MAPK8: variants seen among roughly 807,000 people sequenced by gnomAD.
MAPK8 encodes the protein mitogen-activated protein kinase 8, also known as JUN N-terminal kinase.
MAPK8 carries 13 observed loss-of-function variants against 52.9 expected under a neutral mutation model. That is an observed-to-expected ratio of 0.25 (90% CI 0.16 to 0.39). The LOEUF (loss-of-function observed/expected upper bound fraction) is 0.39. MAPK8 is among the 10% of genes least tolerant of loss of function. The probability of loss-of-function intolerance (pLI) is 1.00; values close to 1 mark genes in which losing one functional copy is unlikely to be tolerated. For synonymous variants in MAPK8, 191 were observed against 169.8 expected (o/e 1.12, Z -0.97); for missense variants, 300 against 519.2 (o/e 0.58, Z 4.10).
At chr10:48,375,376 G>A (rs1418814868) in intron 1 of MAPK8, among the ~76,000 whole-genome samples, 1 of 152,172 alleles carries the variant, frequency 6.6e-6, no homozygotes, top group Non-Finnish European at 1.5e-5. Flanking sequence ...CATAGTATTG[G>A]AAGTTCTGGC....
In MAPK8 at chr10:48,436,839, T is replaced by A. The variant is rs573552196; in HGVS notation, c.*1810T>A. 10 of 152,354 alleles carry A rather than the reference T, an allele frequency of 6.6e-5. No homozygotes were observed. Among genetic ancestry groups the A allele is most frequent in the Non-Finnish European group, 1.2e-4 (8 of 68,026 alleles). The allele number at this position is 152,354 out of a possible 1,614,324, so 9.4% of individuals were successfully genotyped here. A position where few individuals can be genotyped will look rare whatever the true frequency, so the allele number is the denominator to read the frequency against. On this transcript the variant is annotated 3_prime_UTR_variant, in exon 12 of 12. Transcript: ENST00000374189. ...ATACAACAAGGTGCATTAATTTGAT[T>A]AGGCAAATTAGAGTTCTAAGACACT...
chr10:48,368,637 A>G (rs770315385), intron 1 of MAPK8, among the ~76,000 whole-genome samples: 5 of 152,232 alleles, frequency 3.3e-5, no homozygotes, highest in Non-Finnish European at 7.3e-5. Flanking sequence ...TAACTGTGGT[A>G]TGATTTTAAG....
intron 1 of MAPK8, among the ~76,000 whole-genome samples, chr10:48,310,801 T>C (rs913082019): frequency 6.6e-6 from 1 of 152,068 alleles, no homozygotes; most frequent in African/African-American, 2.4e-5. Flanking sequence ...AGGAGACCCC[T>C]TTTTGGAAAA....
In MAPK8 at chr10:48,423,528, A is replaced by G. The variant is rs546770292; in HGVS notation, c.617-560A>G. On this transcript the variant is annotated intron_variant, in intron 6 of 11. Transcript: ENST00000374189. ...ACTTTTAATTCAGAACAAGCATAGCACTTCTCAGTTAAATGTATTTGGGAA... is the reference window on the plus strand; with the variant it reads ...ACTTTTAATTCAGAACAAGCATAGCGCTTCTCAGTTAAATGTATTTGGGAA... Among the ~76,000 whole-genome samples, 11 of 152,320 alleles carry G rather than the reference A, an allele frequency of 7.2e-5. No individual in the cohort carries two copies. The East Asian group carries it at 2.1e-3, about 29-fold the overall frequency.
chr10:48,388,401 A>G (rs537147002), intron 1 of MAPK8, among the ~76,000 whole-genome samples: 23 of 152,186 alleles, frequency 1.5e-4, no homozygotes, highest in East Asian at 9.6e-4. Flanking sequence ...ACTCATCTCA[A>G]AGGAGGCAAA....
chr10:48,328,383 G>C (rs186368933), intron 1 of MAPK8, among the ~76,000 whole-genome samples: 1,682 of 150,332 alleles, frequency 0.011, 35 homozygotes, highest in African/African-American at 0.039. Context: ...CTCACTTTAG[G>C]TGTTACTCTT....
chr10:48,427,264 T>A (rs1259631440), intron 10 of MAPK8, 121 bp downstream of exon 10: 2 of 604,700 alleles, frequency 3.3e-6, no homozygotes, highest in Non-Finnish European at 5.8e-6. Context: ...TGTGGTAATA[T>A]TAATATTTTT....
Position 48,360,205 on chromosome 10 carries a change from G to A in MAPK8, c.-49-41407G>A, listed in dbSNP as rs193188887. On this transcript the variant is annotated intron_variant, in intron 1 of 11. Transcript: ENST00000374189. ...GAAGAAGGTGTAAAGAACTCGAACA[G>A]TTGAACTAGAAAGAGACTTCAAAAA... 1.5e-3 allele frequency among the ~76,000 whole-genome samples: 223 copies of A among 152,230 alleles called. 1 individual carries two copies. Among genetic ancestry groups the A allele is most frequent in the Middle Eastern group, 3.4e-3 (1 of 294 alleles).
At chr10:48,362,270 A>G (rs1328197949) in intron 1 of MAPK8, among the ~76,000 whole-genome samples, 1 of 152,066 alleles carries the variant, frequency 6.6e-6, no homozygotes, top group Non-Finnish European at 1.5e-5. Context: ...AGTCTTAGAA[A>G]GAAAGATACG....
Position 48,431,804 on chromosome 10 carries a change from T to C in MAPK8, c.1138+534T>C, listed in dbSNP as rs148172519. On this transcript the variant is annotated intron_variant, in intron 11 of 11. Transcript: ENST00000374189. ...CATAAGCTGATCTTATATTTAATGTTAGTACAAGTAAAAGTATAAAGAATA... is the reference window on the plus strand; with the variant it reads ...CATAAGCTGATCTTATATTTAATGTCAGTACAAGTAAAAGTATAAAGAATA... Among the ~76,000 whole-genome samples the C allele has an allele frequency of 3.7e-3, 564 of 152,306 alleles. 3 individuals are homozygous for C. Among genetic ancestry groups the C allele is most frequent in the African/African-American group, 0.013 (549 of 41,560 alleles).
chr10:48,389,433 T>C (rs1323570200), intron 1 of MAPK8, among the ~76,000 whole-genome samples: 1 of 152,200 alleles, frequency 6.6e-6, no homozygotes, highest in African/African-American at 2.4e-5. Flanking sequence ...TCCTGTAACA[T>C]GTGGTTCTGC....
In MAPK8 at chr10:48,420,144, A is replaced by T. The variant is rs1247532168; in HGVS notation, c.451-11A>T. 1 of 1,596,218 alleles carries T rather than the reference A, an allele frequency of 6.3e-7. No individual in the cohort carries two copies. Among genetic ancestry groups the T allele is most frequent in the African/African-American group, 1.3e-5 (1 of 74,094 alleles). ...TCATGGCAGTCATTTTTTAATTTTT[A>T]TTTTCTGAAGGACTTAAAGCCCAGT... is the stretch of plus-strand genomic sequence containing the variant. On this transcript the variant is annotated splice_polypyrimidine_tract_variant and intron_variant, in intron 5 of 11. Transcript: ENST00000374189.
At chr10:48,327,403 A>G (rs1000593562) in intron 1 of MAPK8, among the ~76,000 whole-genome samples, 2 of 152,228 alleles carry the variant, frequency 1.3e-5, no homozygotes, top group Non-Finnish European at 2.9e-5. Flanking sequence ...AGTAGATTTT[A>G]GAACCAGCCT....
rs1308113523 is a variant in MAPK8 at position 48,315,636 on chromosome 10, T to TC, written c.-50+8817dup. On this transcript the variant is annotated intron_variant, in intron 1 of 11. Coordinates refer to ENST00000374189, the MANE Select transcript of MAPK8 (RefSeq NM_001323329.2). ...TTTTGCTGGAAATGGCATCTTTTTTTCCACTTTTATCTTCTATCTGGTTAT... is the reference window on the plus strand; with the variant it reads ...TTTTGCTGGAAATGGCATCTTTTTTTCCCACTTTTATCTTCTATCTGGTTAT... Among the ~76,000 whole-genome samples, 8 of 150,774 alleles carry TC rather than the reference T, an allele frequency of 5.3e-5. No homozygotes were observed. In the East Asian group the frequency reaches 1.5e-3, roughly 29 times the overall value.
chr10:48,338,306 A>G (rs145111839), intron 1 of MAPK8, among the ~76,000 whole-genome samples: 1 of 152,164 alleles, frequency 6.6e-6, no homozygotes, highest in Non-Finnish European at 1.5e-5. Flanking sequence ...AGAATATACA[A>G]ATCAATAAAT....
At position 48,306,715 on chromosome 10, in the gene MAPK8, T is replaced by G. The variant is rs1336851080; in HGVS notation, c.-156T>G. ...GCGGCCGAGGCCGGACGACGCGGCTTGGATTGCGGAGCCGCGAGCAGCGCT... is the reference window on the plus strand; with the variant it reads ...GCGGCCGAGGCCGGACGACGCGGCTGGGATTGCGGAGCCGCGAGCAGCGCT... On this transcript the variant is annotated 5_prime_UTR_variant, in exon 1 of 12. Coordinates refer to ENST00000374189, the MANE Select transcript of MAPK8 (RefSeq NM_001323329.2). The G allele has an allele frequency of 6.6e-6, 1 of 151,262 alleles. No homozygotes were observed. The highest frequency in any genetic ancestry group is 2.4e-5 in the African/African-American group (1 of 41,310). The allele number at this position is 151,262 out of a possible 1,614,324, so 9.4% of individuals were successfully genotyped here.
At chr10:48,324,282 T>C (rs1843261566) in intron 1 of MAPK8, among the ~76,000 whole-genome samples, 1 of 152,210 alleles carries the variant, frequency 6.6e-6, no homozygotes, top group Non-Finnish European at 1.5e-5. Flanking sequence ...CTAGTTTCCA[T>C]AGCTCTTGTG....
chr10:48,334,069 G>C (rs950137098), intron 1 of MAPK8, among the ~76,000 whole-genome samples: 1 of 152,194 alleles, frequency 6.6e-6, no homozygotes, highest in Admixed American at 6.5e-5. Flanking sequence ...CTTTGCTGGG[G>C]CCTGCACCTT....
At chr10:48,425,747 C>T in intron 7 of MAPK8, 141 bp from the exon 8 acceptor site, 1 of 481,166 alleles carries the variant, frequency 2.1e-6, no homozygotes. Context: ...TTGCCTTTTG[C>T]AGGGTGCCTG....
Sources: gnomAD v4.1 joint callset for allele counts (sites outside exome capture counted in the v4.1 genomes callset) on GRCh38, gnomAD v4.1.1 for gene constraint, MANE v1.5 for transcripts, NCBI Gene and HGNC (gene_info 2026-07-23, HGNC 2026-07-21) for gene names.